CACNA1C: variants seen among roughly 807,000 people sequenced by gnomAD.
CACNA1C encodes the protein calcium voltage-gated channel subunit alpha1 C, also known as voltage-dependent L-type calcium channel subunit alpha-1C.
CACNA1C carries 30 observed loss-of-function variants against 229.0 expected under a neutral mutation model. The observed-to-expected ratio is 0.13, with a 90% CI of 0.10 to 0.18. The LOEUF (loss-of-function observed/expected upper bound fraction) is 0.18, where lower values mean the gene tolerates loss of function less well. Ranked by LOEUF, CACNA1C falls within the 10% of genes least tolerant of loss-of-function variation. The probability of loss-of-function intolerance (pLI) is 1.00; values close to 1 mark genes in which losing one functional copy is unlikely to be tolerated. For synonymous variants in CACNA1C, 1,114 were observed against 1,132.5 expected, an observed-to-expected ratio of 0.98 and a Z score of 0.33; for missense variants, 1,658 against 2,845.0, an observed-to-expected ratio of 0.58 and a Z score of 9.49.
intron 6 of CACNA1C, among the ~76,000 whole-genome samples, chr12:2,491,834 G>C (rs144771009): frequency 1.3e-5 from 2 of 152,162 alleles, no homozygotes; most frequent in Admixed American, 1.3e-4. Context: ...TCAGCCCACC[G>C]GCCAGTCCTG....
Position 2,611,977 on chromosome 12 carries a change from G to A in CACNA1C, c.3792G>A (p.Val1264=). The A allele has an allele frequency of 6.2e-7, 1 of 1,613,180 alleles. No individual in the cohort carries two copies. The change falls in exon 29 of 47, where the codon GTG becomes GTA. Residue 1264 remains valine (V), a synonymous_variant. Transcript: ENST00000399655. ...LNMLFTGLFT[V]EMILKLIAFK... is the part of the protein sequence containing the mutation. ...TGCTCTTCACTGGCCTCTTCACCGTGGAGATGATCCTGAAGCTCATTGCCT... is the reference window on the plus strand; with the variant it reads ...TGCTCTTCACTGGCCTCTTCACCGTAGAGATGATCCTGAAGCTCATTGCCT...
chr12:2,053,248 A>C lies in CACNA1C; in HGVS notation c.-315A>C. On this transcript the variant is annotated 5_prime_UTR_variant, in exon 1 of 47. Coordinates refer to ENST00000399655, the MANE Select transcript of CACNA1C (RefSeq NM_000719.7). This position sits in a 1 kb window ranked among gnomAD's most constrained non-coding sequence, Gnocchi z 5.8. ...GCCTCTTCTCGCCCTGCCTCTCCCGATTTATTTTTTCAAATGGTGTAGCCG... is the reference window on the plus strand; with the variant it reads ...GCCTCTTCTCGCCCTGCCTCTCCCGCTTTATTTTTTCAAATGGTGTAGCCG... The C allele has an allele frequency of 4.8e-6, 5 of 1,046,528 alleles. No individual in the cohort carries two copies. Among genetic ancestry groups the C allele is most frequent in the Non-Finnish European group, 2.3e-6 (2 of 869,876 alleles). 64.8% of individuals were successfully genotyped at this position (1,046,528 alleles called of 1,614,324 possible). A position where few individuals can be genotyped will look rare whatever the true frequency, so the allele number is the denominator to read the frequency against.
chr12:2,312,352 G>T (rs143306488), intron 3 of CACNA1C, among the ~76,000 whole-genome samples: 3 of 152,212 alleles, frequency 2.0e-5, no homozygotes, highest in Middle Eastern at 6.8e-3. Context: ...GTGCACATGC[G>T]AGCTGTTCTG....
intron 3 of CACNA1C, among the ~76,000 whole-genome samples, chr12:2,244,563 T>C (rs1182555842): frequency 1.3e-5 from 2 of 152,236 alleles, no homozygotes; most frequent in Non-Finnish European, 2.9e-5. Flanking sequence ...CTGCACACAC[T>C]TCCCTCTGTG....
chr12:2,202,922 C>T (rs1339571530), intron 3 of CACNA1C, among the ~76,000 whole-genome samples: 1 of 152,166 alleles, frequency 6.6e-6, no homozygotes, highest in African/African-American at 2.4e-5. Context: ...GACCTCTCTT[C>T]TCTATGAAGA....
At chr12:2,328,171 C>A (rs1011871626) in intron 3 of CACNA1C, among the ~76,000 whole-genome samples, 1 of 152,210 alleles carries the variant, frequency 6.6e-6, no homozygotes, top group African/African-American at 2.4e-5. Flanking sequence ...GCTGTAATAT[C>A]TCTTGCCCCC....
intron 3 of CACNA1C, among the ~76,000 whole-genome samples, chr12:2,279,292 AC>A (rs567002322): frequency 1.3e-5 from 2 of 152,170 alleles, no homozygotes; most frequent in Non-Finnish European, 2.9e-5. Context: ...CTATTTTTAC[AC>A]CAATACCACA....
intron 11 of CACNA1C, among the ~76,000 whole-genome samples, chr12:2,564,287 A>G (rs759178674): frequency 2.6e-5 from 4 of 152,162 alleles, no homozygotes; most frequent in South Asian, 2.1e-4. Context: ...GACCTACTCA[A>G]TAGATTTCAT....
intron 3 of CACNA1C, among the ~76,000 whole-genome samples, chr12:2,151,349 A>G (rs1014746494): frequency 6.7e-6 from 1 of 148,210 alleles, no homozygotes; most frequent in African/African-American, 2.6e-5. Context: ...CCACTGGCTG[A>G]CCAGTGGTAG....
At chr12:2,682,084 A>G (rs1291742684) in intron 42 of CACNA1C, 2 of 1,284,198 alleles carry the variant, frequency 1.6e-6, no homozygotes, top group Admixed American at 1.7e-5. Context: ...CCTTTACCCC[A>G]GGGTGCCAGT....
chr12:2,187,784 T>A (rs2097090558), intron 3 of CACNA1C, among the ~76,000 whole-genome samples: 1 of 152,246 alleles, frequency 6.6e-6, no homozygotes, highest in Admixed American at 6.5e-5. Flanking sequence ...AAGCCGACTT[T>A]GCTCGGTGAC....
At chr12:2,395,255 G>A (rs1437051763) in intron 3 of CACNA1C, among the ~76,000 whole-genome samples, 1 of 118,210 alleles carries the variant, frequency 8.5e-6, no homozygotes, top group East Asian at 2.5e-4. Context: ...GTCTTGCTTT[G>A]TTGCCCAGGC....
intron 1 of CACNA1C, among the ~76,000 whole-genome samples, chr12:2,111,138 G>A (rs1423736008): frequency 1.3e-5 from 2 of 152,260 alleles, no homozygotes; most frequent in Admixed American, 1.3e-4. Flanking sequence ...TGGCTAGGGA[G>A]AGGTTGACAT....
intron 9 of CACNA1C, among the ~76,000 whole-genome samples, chr12:2,535,846 G>A (rs1302932733): frequency 6.6e-6 from 1 of 151,896 alleles, no homozygotes; most frequent in Non-Finnish European, 1.5e-5. Context: ...GTTGGGAGAA[G>A]AATTAAAGCA....
rs970459948 is a variant in CACNA1C, at chr12:2,647,348, G to A, written c.3913-1127G>A. 1.3e-5 allele frequency among the ~76,000 whole-genome samples: 2 copies of A among 152,214 alleles called. No individual in the cohort carries two copies. Among genetic ancestry groups the A allele is most frequent in the African/African-American group, 4.8e-5 (2 of 41,460 alleles). On this transcript the variant is annotated intron_variant, in intron 30 of 46. Transcript: ENST00000399655. The surrounding 1 kb of genome is among the most constrained non-coding windows in gnomAD (Gnocchi z 4.2). ...TCCCAGATCCAGGCTCCAGGAACTC[G>A]GGGAGAGGGCTGGCCCTGGGATACT...
At chr12:2,232,227 G>GTTTTTTTTTTTTTTTTTTTTTTTTTTT (rs1169407536) in intron 3 of CACNA1C, among the ~76,000 whole-genome samples, 76 of 73,550 alleles carry the variant, frequency 1.0e-3, no homozygotes, top group Non-Finnish European at 1.2e-3. Flanking sequence ...GTCTTTCCTT[G>GTTTTTTTTTTTTTTTTTTTTTTTTTTT]TTTTTTTTTT....
At chr12:2,557,104 A>G in intron 11 of CACNA1C, 127 bp downstream of exon 11, 1 of 711,034 alleles carries the variant, frequency 1.4e-6, no homozygotes, top group Non-Finnish European at 2.5e-6. Flanking sequence ...CTAAGGGGGT[A>G]ACTACTTTCT....
intron 3 of CACNA1C, among the ~76,000 whole-genome samples, chr12:2,162,890 C>T (rs114174458): frequency 1.9e-3 from 286 of 152,246 alleles, no homozygotes; most frequent in African/African-American, 6.3e-3. Flanking sequence ...CCTTCTTGAA[C>T]GTCTTCATTA....
chr12:2,667,950 C>A (rs1373173358), intron 37 of CACNA1C, among the ~76,000 whole-genome samples: 3 of 152,250 alleles, frequency 2.0e-5, no homozygotes, highest in Non-Finnish European at 4.4e-5. Context: ...AGGCCCCACA[C>A]CAGAGCTCCG....
Sources: gnomAD v4.1 joint callset for allele counts (sites outside exome capture counted in the v4.1 genomes callset) on GRCh38, gnomAD v4.1.1 for gene constraint, Gnocchi (gnomAD v3.1) non-coding constraint, MANE v1.5 for transcripts, NCBI Gene and HGNC (gene_info 2026-07-23, HGNC 2026-07-21) for gene names.